Variants in HOXD3 observed in about 807,000 individuals in gnomAD.
HOXD3 encodes homeobox protein Hox-D3.
Under a neutral mutation model 32.8 loss-of-function variants are expected in HOXD3, and 13 were observed. The ratio of observed to expected loss-of-function variants is 0.40; its 90% CI spans 0.26 to 0.63. HOXD3 has a LOEUF of 0.63. HOXD3 is among the 20% of genes least tolerant of loss of function. The pLI, the probability that HOXD3 is intolerant of heterozygous loss-of-function variation, is 0.44. For missense variants in HOXD3, 504 were observed against 577.1 expected (o/e 0.87, Z 1.30); for synonymous variants, 241 against 246.8 (o/e 0.98, Z 0.22).
rs1300306890 is a variant in HOXD3 at position 176,164,141 on chromosome 2, C to G, written c.-112C>G. ...AAAAAAAAGAGATAAAGACAAAATTCAAGAAAACACACACATACATAATTG... is the reference window on the plus strand; with the variant it reads ...AAAAAAAAGAGATAAAGACAAAATTGAAGAAAACACACACATACATAATTG... On this transcript the variant is annotated 5_prime_UTR_variant, in exon 2 of 4. Coordinates refer to ENST00000683222, the MANE Select transcript of HOXD3 (RefSeq NM_006898.5). 6.6e-6 allele frequency: 1 copy of G among 151,924 alleles called. No homozygotes were observed. Among genetic ancestry groups the G allele is most frequent in the Non-Finnish European group, 1.5e-5 (1 of 67,976 alleles). 9.4% of individuals were successfully genotyped at this position (151,924 alleles called of 1,614,324 possible). A position where few individuals can be genotyped will look rare whatever the true frequency, so the allele number is the denominator to read the frequency against.
rs1461652359 is a variant in HOXD3, at chr2:176,171,715, T to C, written c.740T>C (p.Met247Thr). Residue 247 changes from methionine to threonine, a missense_variant, in exon 4 of 4, where the codon ATG (methionine) becomes ACG (threonine). Transcript: ENST00000683222. ...AAGATCTGGTTCCAGAACCGGCGCATGAAGTACAAGAAGGACCAGAAGGCC... is the reference window on the plus strand; with the variant it reads ...AAGATCTGGTTCCAGAACCGGCGCACGAAGTACAAGAAGGACCAGAAGGCC... ...QIKIWFQNRR[M>T]KYKKDQKAKG... The C allele has an allele frequency of 6.2e-7, 1 of 1,614,030 alleles. No homozygotes were observed. Among genetic ancestry groups the C allele is most frequent in the Non-Finnish European group, 8.5e-7 (1 of 1,180,008 alleles).
At chr2:176,152,872 C>T, upstream of HOXD3, 1 of 1,614,188 alleles carries the variant, frequency 6.2e-7, no homozygotes, top group Non-Finnish European at 8.5e-7. This position sits in a 1 kb window ranked among gnomAD's most constrained non-coding sequence, Gnocchi z 5.2. Context: ...TCTTGCTCCT[C>T]CTCAGTCGCC....
chr2:176,170,106 T>C (rs549169518), intron 3 of HOXD3, among the ~76,000 whole-genome samples: 257 of 152,290 alleles, frequency 1.7e-3, no homozygotes, highest in African/African-American at 5.9e-3. Flanking sequence ...CTAAGCATTA[T>C]CTAATTTAAT....
upstream of HOXD3, among the ~76,000 whole-genome samples, chr2:176,155,607 G>A (rs1264966564): frequency 1.3e-5 from 2 of 152,216 alleles, no homozygotes; most frequent in African/African-American, 4.8e-5. Context: ...CCACAGGAGT[G>A]GGCCAGGGAA....
At chr2:176,167,686 CTT>C (rs56761217) in intron 2 of HOXD3, among the ~76,000 whole-genome samples, 32 of 108,890 alleles carry the variant, frequency 2.9e-4, no homozygotes, top group East Asian at 1.4e-3. Flanking sequence ...GGGGGAGACC[CTT>C]TTTTTTTTTT....
upstream of HOXD3, among the ~76,000 whole-genome samples, chr2:176,155,789 C>A (rs1335619298): frequency 1.3e-5 from 2 of 152,102 alleles, no homozygotes; most frequent in Non-Finnish European, 2.9e-5. Context: ...GTTTTAAAAA[C>A]AAAAACAAAA....
At chr2:176,154,119 T>C (rs1161419895), upstream of HOXD3, among the ~76,000 whole-genome samples, 1 of 152,114 alleles carries the variant, frequency 6.6e-6, no homozygotes, top group Non-Finnish European at 1.5e-5. Context: ...CCTTAGAGTT[T>C]TTTTCCCCCT....
At position 176,169,272 on chromosome 2, in the gene HOXD3, C is replaced by CTGA; in HGVS notation, c.160_161insATG (p.Pro53_Ala54insAsp). 1 of 1,614,190 alleles carries CTGA rather than the reference C, an allele frequency of 6.2e-7. No homozygotes were observed. Among genetic ancestry groups the CTGA allele is most frequent in the South Asian group, 1.1e-5 (1 of 91,074 alleles). On this transcript the variant is annotated inframe_insertion, in exon 3 of 4. Transcript: ENST00000683222. Reference sequence around the variant, plus strand: ...ACCCCCCACCAGCCCTACCCACCCCCTGCTGCTGCCAGCTCCCTGGACACT... The same window carrying CTGA: ...ACCCCCCACCAGCCCTACCCACCCCCTGATGCTGCTGCCAGCTCCCTGGACACT...
upstream of HOXD3, chr2:176,153,299 C>T (rs956708045): frequency 1.3e-5 from 4 of 298,848 alleles, no homozygotes; most frequent in Non-Finnish European, 2.5e-5. Flanking sequence ...CATTCTCCCC[C>T]ACTCCACCCC....
chr2:176,170,488 C>T (rs187899105), intron 3 of HOXD3, among the ~76,000 whole-genome samples: 1 of 152,286 alleles, frequency 6.6e-6, no homozygotes, highest in Non-Finnish European at 1.5e-5. Flanking sequence ...GAGGGCTGTT[C>T]CTTCTCTCTG....
At position 176,171,808 on chromosome 2, in the gene HOXD3, G is replaced by T. The variant is rs755576193; in HGVS notation, c.833G>T (p.Gly278Val). 2 of 1,612,050 alleles carry T rather than the reference G, an allele frequency of 1.2e-6. No homozygotes were observed. The change falls in exon 4 of 4, where the codon GGC (glycine) becomes GTC (valine). Residue 278 changes from glycine to valine, a missense_variant. Gly to Val is a moderately radical substitution (Grantham distance 109, BLOSUM62 -3). Transcript: ENST00000683222. ...ERSPPLGGAA[G>V]HVAYSGQLPP... ...AGCCCACCGCTCGGCGGCGCCGCTGGCCACGTGGCCTACTCCGGCCAGCTG... is the reference window on the plus strand; with the variant it reads ...AGCCCACCGCTCGGCGGCGCCGCTGTCCACGTGGCCTACTCCGGCCAGCTG...
intron 1 of HOXD3, among the ~76,000 whole-genome samples, chr2:176,163,689 G>A (rs1194516358): frequency 6.6e-6 from 1 of 152,048 alleles, no homozygotes; most frequent in Admixed American, 6.6e-5. Context: ...AATTCTGCAC[G>A]GTCTCTCTCT....
chr2:176,164,290 A>G (rs1007773164), intron 2 of HOXD3, 122 bp downstream of exon 2: 1 of 152,248 alleles, frequency 6.6e-6, no homozygotes, highest in African/African-American at 2.4e-5. Flanking sequence ...GGGTCACTTC[A>G]GTATGAAGTA....
At chr2:176,155,162 G>C (rs1427405214), upstream of HOXD3, among the ~76,000 whole-genome samples, 1 of 152,190 alleles carries the variant, frequency 6.6e-6, no homozygotes, top group Non-Finnish European at 1.5e-5. Context: ...AAGTTGCTAA[G>C]CTGCTTTCCT....
At position 176,172,228 on chromosome 2, in the gene HOXD3, C is replaced by T. The variant is rs750402524; in HGVS notation, c.1253C>T (p.Ser418Leu). 14 of 1,610,120 alleles carry T rather than the reference C, an allele frequency of 8.7e-6. No individual in the cohort carries two copies. Among genetic ancestry groups the T allele is most frequent in the African/African-American group, 1.3e-5 (1 of 74,946 alleles). The change falls in exon 4 of 4, where the codon TCG (serine) becomes TTG (leucine). Residue 418 changes from serine (S) to leucine (L), a missense_variant. Ser to Leu is a moderately radical substitution (Grantham distance 145, BLOSUM62 -2). Around this residue, in one of 3 missense-constraint regions of HOXD3, gnomAD observed 226 missense variants for 246.9 expected, o/e 0.92. Coordinates refer to ENST00000683222, the MANE Select transcript of HOXD3 (RefSeq NM_006898.5). Reference protein sequence around the residue: ...PTYTDLSAHHSSQGRLPEAPK... With the variant: ...PTYTDLSAHHLSQGRLPEAPK... ...TACACAGATCTCTCGGCCCACCACT[C>T]GTCTCAGGGACGACTGCCGGAGGCT... is the stretch of plus-strand genomic sequence containing the variant.
upstream of HOXD3, among the ~76,000 whole-genome samples, chr2:176,157,144 C>G (rs1254313025): frequency 1.3e-5 from 2 of 152,192 alleles, no homozygotes; most frequent in African/African-American, 2.4e-5. Context: ...CTCCCTGCCC[C>G]CCGCGCCGGG....
upstream of HOXD3, among the ~76,000 whole-genome samples, chr2:176,155,199 A>G (rs1024927859): frequency 6.6e-5 from 10 of 152,156 alleles, no homozygotes; most frequent in African/African-American, 2.2e-4. Flanking sequence ...TATACATTGA[A>G]CCTTCTCTTT....
At chr2:176,152,863 C>T (rs901044460), upstream of HOXD3, 5 of 1,614,214 alleles carry the variant, frequency 3.1e-6, no homozygotes, top group Non-Finnish European at 8.5e-7. This position sits in a 1 kb window ranked among gnomAD's most constrained non-coding sequence, Gnocchi z 5.2. Flanking sequence ...TCCTCCTCAT[C>T]TTGCTCCTCC....
At chr2:176,160,204 G>T (rs959153633) in intron 1 of HOXD3, among the ~76,000 whole-genome samples, 24 of 152,198 alleles carry the variant, frequency 1.6e-4, no homozygotes, top group Admixed American at 1.4e-3. Flanking sequence ...GGGTGCATGA[G>T]GCTGCGGAGT....
Sources: allele counts gnomAD v4.1 joint callset (sites outside exome capture counted in the v4.1 genomes callset), GRCh38; gene constraint gnomAD v4.1.1; regional missense constraint gnomAD v4.1.1; non-coding constraint Gnocchi (gnomAD v3.1); transcripts MANE v1.5; gene names NCBI Gene and HGNC (gene_info 2026-07-23, HGNC 2026-07-21).